Variants in VMP1 observed in about 807,000 individuals in gnomAD.
The protein encoded by VMP1 is ectopic P-granules autophagy protein 3 homolog.
In VMP1, 11 loss-of-function variants were observed where a neutral mutation model predicts 56.0. That is an observed-to-expected ratio of 0.20 (90% CI 0.12 to 0.32). VMP1 has a LOEUF of 0.32. Ranked by LOEUF, VMP1 falls within the 10% of genes least tolerant of loss-of-function variation. VMP1 has a pLI of 1.00. For synonymous variants in VMP1, 149 were observed against 165.0 expected, an observed-to-expected ratio of 0.90 and a Z score of 0.74; for missense variants, 296 against 490.3, an observed-to-expected ratio of 0.60 and a Z score of 3.74.
intron 5 of VMP1, 46 bp downstream of exon 5, chr17:59,738,993 T>A: frequency 7.1e-7 from 1 of 1,405,890 alleles, no homozygotes; most frequent in South Asian, 1.3e-5. Flanking sequence ...ATTTCCTATC[T>A]TTTTATTGGT....
rs555364027 is a variant in VMP1, at chr17:59,797,159, C to G, written c.715-11637C>G. ...CCAGCCTGGCCAGCATGGTGAAACC[C>G]CCCCCCCGTCTCTACTAAAAATACA... On this transcript the variant is annotated intron_variant, in intron 7 of 11. Coordinates refer to ENST00000262291, the MANE Select transcript of VMP1 (RefSeq NM_030938.5). Among the ~76,000 whole-genome samples, 434 of 136,464 alleles carry G rather than the reference C, an allele frequency of 3.2e-3. 2 individuals are homozygous for G. The highest frequency in any genetic ancestry group is 0.013 in the African/African-American group (374 of 28,174). The allele number at this position is 136,464 out of a possible 152,430, so 89.5% of individuals were successfully genotyped here.
chr17:59,808,465 T>C (rs2144211192), intron 7 of VMP1, among the ~76,000 whole-genome samples: 1 of 152,330 alleles, frequency 6.6e-6, no homozygotes, highest in East Asian at 1.9e-4. Flanking sequence ...AAAAGGTAGA[T>C]GTTGTAGGCC....
At chr17:59,798,070 G>A (rs1282203499) in intron 7 of VMP1, among the ~76,000 whole-genome samples, 1 of 152,120 alleles carries the variant, frequency 6.6e-6, no homozygotes, top group Non-Finnish European at 1.5e-5. Flanking sequence ...ACATGGGTGT[G>A]TTGTAAATTT....
At chr17:59,799,675 T>A (rs1244563226) in intron 7 of VMP1, among the ~76,000 whole-genome samples, 1 of 152,160 alleles carries the variant, frequency 6.6e-6, no homozygotes, top group Non-Finnish European at 1.5e-5. Flanking sequence ...AAAATATGCT[T>A]CACTTGGCCG....
intron 7 of VMP1, among the ~76,000 whole-genome samples, chr17:59,777,100 G>C (rs2036643292): frequency 6.6e-6 from 1 of 151,848 alleles, no homozygotes; most frequent in Admixed American, 6.6e-5. Context: ...TCATCTCTCT[G>C]GAGCCCTCCA....
chr17:59,776,081 G>A (rs973496057), intron 7 of VMP1, among the ~76,000 whole-genome samples: 1 of 152,064 alleles, frequency 6.6e-6, no homozygotes, highest in Non-Finnish European at 1.5e-5. Context: ...ATAGGGTGGT[G>A]CATTCCTGTA....
intron 10 of VMP1, among the ~76,000 whole-genome samples, chr17:59,834,846 A>T (rs1249810380): frequency 4.0e-5 from 6 of 150,108 alleles, no homozygotes; most frequent in Non-Finnish European, 4.4e-5. Context: ...CTGGTCTTGA[A>T]CTCCTGACCT....
At chr17:59,732,522 CATGA>C (rs2034867532) in intron 2 of VMP1, among the ~76,000 whole-genome samples, 1 of 149,488 alleles carries the variant, frequency 6.7e-6, no homozygotes. Flanking sequence ...GGATTACAGG[CATGA>C]GCCACCGCGC....
rs985134882 is a variant in VMP1, at chr17:59,709,350, A to G, written c.-27+1602A>G. Among the ~76,000 whole-genome samples the G allele has an allele frequency of 2.4e-3, 369 of 152,144 alleles. 4 individuals carry two copies. The highest frequency in any genetic ancestry group is 8.5e-4 in the Non-Finnish European group (58 of 68,002). ...TTGGCTTGAATCACCACTTTTTAGG[A>G]TTTTGGTAACTATTAAACTTTAAAT... On this transcript the variant is annotated intron_variant, in intron 1 of 11. Transcript: ENST00000262291.
intron 1 of VMP1, among the ~76,000 whole-genome samples, chr17:59,717,154 T>C (rs2034191015): frequency 6.6e-6 from 1 of 151,682 alleles, no homozygotes; most frequent in Non-Finnish European, 1.5e-5. Flanking sequence ...TAATTTTTCA[T>C]AGACACGGAG....
intron 5 of VMP1, among the ~76,000 whole-genome samples, chr17:59,747,789 G>A (rs1416420030): frequency 6.6e-6 from 1 of 151,852 alleles, no homozygotes; most frequent in Non-Finnish European, 1.5e-5. Flanking sequence ...TAGCTACTCA[G>A]GAAGTTGAGG....
At chr17:59,773,306 G>C (rs1371327426) in intron 6 of VMP1, among the ~76,000 whole-genome samples, 3 of 150,850 alleles carry the variant, frequency 2.0e-5, no homozygotes, top group African/African-American at 7.4e-5. Flanking sequence ...AGAAGCGGTG[G>C]GGGGGGGCAA....
chr17:59,806,640 G>A (rs969658936), intron 7 of VMP1, among the ~76,000 whole-genome samples: 2 of 151,476 alleles, frequency 1.3e-5, no homozygotes, highest in Non-Finnish European at 1.5e-5. Context: ...GCTTGAACCC[G>A]GGAGGCAGAG....
intron 10 of VMP1, among the ~76,000 whole-genome samples, chr17:59,819,458 G>T (rs1002783254): frequency 1.3e-5 from 2 of 151,482 alleles, no homozygotes; most frequent in Non-Finnish European, 2.9e-5. Context: ...TATGTTTTTG[G>T]TTTTTTTTGT....
intron 10 of VMP1, among the ~76,000 whole-genome samples, chr17:59,818,895 G>A (rs762351824): frequency 2.6e-5 from 4 of 152,102 alleles, no homozygotes; most frequent in Non-Finnish European, 5.9e-5. Context: ...TAGTTTTAAT[G>A]TAAATCTTTA....
At chr17:59,785,561 G>C (rs1004248342) in intron 7 of VMP1, among the ~76,000 whole-genome samples, 9 of 151,836 alleles carry the variant, frequency 5.9e-5, no homozygotes, top group African/African-American at 2.2e-4. Flanking sequence ...ATGATGGCAG[G>C]CATGTGTAAT....
chr17:59,797,913 A>T (rs75663074), intron 7 of VMP1, among the ~76,000 whole-genome samples: 1 of 152,216 alleles, frequency 6.6e-6, no homozygotes, highest in African/African-American at 2.4e-5. Context: ...AAATTTTTAA[A>T]ACGAAGTTCA....
At chr17:59,825,743 C>G (rs2038627631) in intron 10 of VMP1, among the ~76,000 whole-genome samples, 1 of 152,226 alleles carries the variant, frequency 6.6e-6, no homozygotes. Flanking sequence ...ACAGAATGTT[C>G]CATGCTCTTC....
chr17:59,729,686 C>CTTTTT (rs577589984), intron 1 of VMP1: 2 of 131,068 alleles, frequency 1.5e-5, no homozygotes, highest in Non-Finnish European at 3.2e-5. Context: ...TTTTTTGTTT[C>CTTTTT]TTTTTTTTTT....
Sources: gnomAD v4.1 joint callset for allele counts (sites outside exome capture counted in the v4.1 genomes callset) on GRCh38, gnomAD v4.1.1 for gene constraint, MANE v1.5 for transcripts, NCBI Gene and HGNC (gene_info 2026-07-23, HGNC 2026-07-21) for gene names.